The following POLN variants were observed in gnomAD, a reference collection of about 807,000 sequenced individuals.
The protein encoded by POLN is DNA polymerase nu, also known as DNA polymerase N.
A neutral mutation model predicts 113.5 loss-of-function variants in POLN; 108 were observed. The observed-to-expected ratio is 0.95, with a 90% CI of 0.81 to 1.12. The LOEUF (loss-of-function observed/expected upper bound fraction) is 1.12, where lower values mean the gene tolerates loss of function less well. Among genes scored for constraint, POLN ranks in the 50% most tolerant of loss-of-function variants. POLN has a pLI of 0.00. For synonymous variants in POLN, 386 were observed against 391.5 expected, an observed-to-expected ratio of 0.99 and a Z score of 0.17; for missense variants, 1,097 against 1,077.1, an observed-to-expected ratio of 1.02 and a Z score of -0.26.
chr4:2,226,478 A>C (rs1202602902), intron 3 of POLN, among the ~76,000 whole-genome samples: 1 of 152,246 alleles, frequency 6.6e-6, no homozygotes, highest in African/African-American at 2.4e-5. Flanking sequence ...ATTTTAATTG[A>C]GAAGTAAATT....
intron 16 of POLN, among the ~76,000 whole-genome samples, chr4:2,141,397 G>A (rs1048694461): frequency 6.6e-6 from 1 of 152,126 alleles, no homozygotes; most frequent in Non-Finnish European, 1.5e-5. Flanking sequence ...GTGGTGTCTG[G>A]GGTGGTGGAT....
At chr4:2,129,349 A>C in intron 17 of POLN, 93 bp from the exon 18 acceptor site, 1 of 794,286 alleles carries the variant, frequency 1.3e-6, no homozygotes, top group South Asian at 1.6e-5. Flanking sequence ...ATTATTCTGA[A>C]GTCCAGAGTT....
intron 20 of POLN, among the ~76,000 whole-genome samples, chr4:2,092,846 G>A (rs1730700107): frequency 6.6e-6 from 1 of 152,226 alleles, no homozygotes; most frequent in Admixed American, 6.5e-5. Flanking sequence ...AAGTTGACTG[G>A]CTTCCTCAGT....
intron 16 of POLN, among the ~76,000 whole-genome samples, chr4:2,136,788 C>T (rs1026304566): frequency 5.9e-5 from 9 of 152,196 alleles, no homozygotes; most frequent in Admixed American, 5.2e-4. Context: ...ATGGAAGGTG[C>T]CAAACTGGGG....
chr4:2,104,572 C>T (rs1311432858), intron 19 of POLN, among the ~76,000 whole-genome samples: 1 of 152,148 alleles, frequency 6.6e-6, no homozygotes, highest in Non-Finnish European at 1.5e-5. Context: ...GAGCTTTTTA[C>T]CCAAACCTCC....
At chr4:2,171,225 C>T (rs756817927) in intron 11 of POLN, 44 bp from the exon 12 acceptor site, 1 of 1,542,300 alleles carries the variant, frequency 6.5e-7, no homozygotes, top group Non-Finnish European at 8.9e-7. Flanking sequence ...ATAGTTTTCA[C>T]AATTTAAGAT....
At position 2,128,222 on chromosome 4, in the gene POLN, A is replaced by G. The variant is rs753266612; in HGVS notation, c.1873T>C (p.Ser625Pro). 1.1e-5 allele frequency: 18 copies of G among 1,597,874 alleles called. No homozygotes were observed. The East Asian group carries it at 3.3e-4, about 30-fold the overall frequency. The change falls in exon 19 of 26, where the codon TCA becomes CCA. Residue 625 changes from serine (S) to proline (P), a missense_variant. Ser to Pro is a moderately conservative substitution (Grantham distance 74, BLOSUM62 -1). Transcript: ENST00000511885. ...GTAAGAATGCGCAATTCAATCTGTG[A>G]AAAGTCTGTGAGATACAGTTCTGCA... ...KGHTFLAADF[S>P]QIELRILTHL...
At chr4:2,158,183 C>T (rs1328701943) in intron 14 of POLN, among the ~76,000 whole-genome samples, 4 of 152,052 alleles carry the variant, frequency 2.6e-5, no homozygotes, top group South Asian at 2.1e-4. Flanking sequence ...AACCTCTGAC[C>T]TCAGGTGATC....
At position 2,209,905 on chromosome 4, in the gene POLN, G is replaced by T. The variant is rs55884549; in HGVS notation, c.214-1418C>A. On this transcript the variant is annotated intron_variant, in intron 4 of 25. Coordinates refer to ENST00000511885, the MANE Select transcript of POLN (RefSeq NM_181808.4). Reference sequence around the variant, plus strand: ...TCAAACTCCTGGACTCAAGCAATCTGCCCGCCTTGGCCTCCCAAAGTGCTG... The same window carrying T: ...TCAAACTCCTGGACTCAAGCAATCTTCCCGCCTTGGCCTCCCAAAGTGCTG... Among the ~76,000 whole-genome samples, 282 of 150,026 alleles carry T rather than the reference G, an allele frequency of 1.9e-3. 1 individual carries two copies. The highest frequency in any genetic ancestry group is 6.4e-3 in the African/African-American group (264 of 41,126).
intron 16 of POLN, among the ~76,000 whole-genome samples, chr4:2,134,120 T>C (rs1244340187): frequency 6.6e-6 from 1 of 152,236 alleles, no homozygotes; most frequent in East Asian, 1.9e-4. Flanking sequence ...TATGTAGCCT[T>C]TCCAGATTGA....
intron 2 of POLN, chr4:2,230,361 T>C (rs1734537022): frequency 6.6e-6 from 1 of 152,062 alleles, no homozygotes; most frequent in Non-Finnish European, 1.5e-5. Context: ...TTAAACAGAA[T>C]ATGCTACCAT....
chr4:2,149,361 A>T (rs1732232521), intron 16 of POLN, among the ~76,000 whole-genome samples: 1 of 152,070 alleles, frequency 6.6e-6, no homozygotes, highest in African/African-American at 2.4e-5. Context: ...ACCAAAGATG[A>T]AATAAAGACA....
intron 13 of POLN, among the ~76,000 whole-genome samples, chr4:2,169,905 T>C (rs1457345364): frequency 2.6e-5 from 4 of 152,176 alleles, no homozygotes; most frequent in Admixed American, 2.6e-4. Context: ...AACTGTCCAT[T>C]AAACCAGCAA....
At chr4:2,212,841 C>G (rs1371499585) in intron 4 of POLN, among the ~76,000 whole-genome samples, 1 of 152,102 alleles carries the variant, frequency 6.6e-6, no homozygotes, top group East Asian at 1.9e-4. Flanking sequence ...GTCCCCAGAG[C>G]ACTCTGAACT....
At chr4:2,106,445 T>C (rs1031420825) in intron 19 of POLN, among the ~76,000 whole-genome samples, 3 of 152,264 alleles carry the variant, frequency 2.0e-5, no homozygotes, top group African/African-American at 7.2e-5. Flanking sequence ...ATAATTTTGA[T>C]AGACTGTCTT....
At chr4:2,094,604 C>A (rs1397018927) in intron 20 of POLN, among the ~76,000 whole-genome samples, 1 of 152,120 alleles carries the variant, frequency 6.6e-6, no homozygotes, top group Non-Finnish European at 1.5e-5. Context: ...GAAGGTTGCA[C>A]AGGGGAGAGT....
At chr4:2,097,655 C>A (rs1421417313) in intron 19 of POLN, among the ~76,000 whole-genome samples, 1 of 152,128 alleles carries the variant, frequency 6.6e-6, no homozygotes, top group Non-Finnish European at 1.5e-5. Context: ...GCTCTCCTAC[C>A]ATTTTTAAGT....
At chr4:2,101,045 G>C (rs1166771741) in intron 19 of POLN, among the ~76,000 whole-genome samples, 4 of 152,060 alleles carry the variant, frequency 2.6e-5, no homozygotes, top group Non-Finnish European at 5.9e-5. Context: ...CCCATGCATT[G>C]ACCTGGGACA....
At chr4:2,236,043 C>T (rs778690499) in intron 2 of POLN, among the ~76,000 whole-genome samples, 1 of 152,040 alleles carries the variant, frequency 6.6e-6, no homozygotes, top group Non-Finnish European at 1.5e-5. Flanking sequence ...TTTCTGTGCA[C>T]ACTCATCAAA....
Sources: allele counts gnomAD v4.1 joint callset (sites outside exome capture counted in the v4.1 genomes callset), GRCh38; gene constraint gnomAD v4.1.1; transcripts MANE v1.5; gene names NCBI Gene and HGNC (gene_info 2026-07-23, HGNC 2026-07-21).